The following SOX6 variants were observed in gnomAD, a reference collection of about 807,000 sequenced individuals.
SOX6 encodes SRY-box transcription factor 6.
In SOX6, 11 loss-of-function variants were observed where a neutral mutation model predicts 97.8. The ratio of observed to expected loss-of-function variants is 0.11; its 90% CI spans 0.07 to 0.19. The LOEUF (loss-of-function observed/expected upper bound fraction) is 0.19. Among genes scored for constraint, SOX6 ranks in the 10% least tolerant of loss-of-function variants. The pLI is 1.00. For synonymous variants in SOX6, 360 were observed against 371.4 expected (o/e 0.97, Z 0.35); for missense variants, 810 against 1,039.5 (o/e 0.78, Z 3.04).
intron 4 of SOX6, among the ~76,000 whole-genome samples, chr11:16,193,445 A>G (rs1041405077): frequency 6.6e-6 from 1 of 152,184 alleles, no homozygotes; most frequent in African/African-American, 2.4e-5. Flanking sequence ...TAGTCAACTA[A>G]TGGCATTCTC....
chr11:16,160,277 C>T (rs1050775508), intron 6 of SOX6, among the ~76,000 whole-genome samples: 1 of 152,152 alleles, frequency 6.6e-6, no homozygotes, highest in African/African-American at 2.4e-5. Context: ...TAATTTCAAA[C>T]CTGAAAGGCC....
chr11:16,018,855 T>C (rs1020474235), intron 12 of SOX6, among the ~76,000 whole-genome samples: 2 of 152,040 alleles, frequency 1.3e-5, no homozygotes, highest in South Asian at 4.1e-4. Flanking sequence ...ACAGAGGCAG[T>C]AAAGACCATA....
chr11:16,582,918 A>C (rs1253439889), intron 4 of SOX6, among the ~76,000 whole-genome samples: 2 of 152,068 alleles, frequency 1.3e-5, no homozygotes, highest in Non-Finnish European at 2.9e-5. Flanking sequence ...GCATAGACAA[A>C]AATGGGAGCT....
At chr11:16,677,113 A>C (rs1321451338) in intron 3 of SOX6, among the ~76,000 whole-genome samples, 1 of 152,206 alleles carries the variant, frequency 6.6e-6, no homozygotes, top group Non-Finnish European at 1.5e-5. Context: ...CCTCCAGGGT[A>C]GCCATCTCAT....
intron 2 of SOX6, among the ~76,000 whole-genome samples, chr11:16,731,468 C>A (rs556823745): frequency 2.0e-5 from 3 of 152,146 alleles, no homozygotes; most frequent in African/African-American, 7.2e-5. Flanking sequence ...TGTAATCCAT[C>A]GCATACACAG....
chr11:15,977,016 C>A (rs1239784021), intron 15 of SOX6, among the ~76,000 whole-genome samples: 2 of 152,036 alleles, frequency 1.3e-5, no homozygotes, highest in African/African-American at 4.8e-5. Flanking sequence ...CTCATTGCCT[C>A]GTCCAACCTA....
chr11:16,265,668 A>C (rs1339853812), intron 3 of SOX6, among the ~76,000 whole-genome samples: 3 of 151,934 alleles, frequency 2.0e-5, no homozygotes, highest in Non-Finnish European at 4.4e-5. Flanking sequence ...ACATTAAAAG[A>C]GTTATTAAAA....
chr11:16,137,383 A>T (rs542302854), intron 6 of SOX6, among the ~76,000 whole-genome samples: 2 of 152,274 alleles, frequency 1.3e-5, no homozygotes, highest in East Asian at 3.9e-4. Context: ...CTGAGATCAC[A>T]CCACTGCACT....
At chr11:16,003,523 C>A (rs1382003149) in intron 13 of SOX6, among the ~76,000 whole-genome samples, 1 of 151,966 alleles carries the variant, frequency 6.6e-6, no homozygotes, top group East Asian at 1.9e-4. Context: ...CTATGTACCC[C>A]AAAACAGTGG....
chr11:16,629,932 T>C (rs926970284), intron 3 of SOX6, among the ~76,000 whole-genome samples: 4 of 152,194 alleles, frequency 2.6e-5, no homozygotes, highest in African/African-American at 7.2e-5. Context: ...TTATGTGGGA[T>C]CAGTTGTAAT....
chr11:16,301,984 A>C (rs1454740394), intron 3 of SOX6, among the ~76,000 whole-genome samples: 1 of 152,074 alleles, frequency 6.6e-6, no homozygotes, highest in Non-Finnish European at 1.5e-5. Context: ...CCCCACCATT[A>C]AATCTCTCAG....
intron 3 of SOX6, among the ~76,000 whole-genome samples, chr11:16,308,516 T>G (rs1001982805): frequency 5.3e-5 from 8 of 152,194 alleles, no homozygotes; most frequent in African/African-American, 1.9e-4. Flanking sequence ...TCTGTAAGGA[T>G]TCTCAAGTTA....
At chr11:15,999,830 G>T (rs541181692) in intron 13 of SOX6, among the ~76,000 whole-genome samples, 1 of 152,218 alleles carries the variant, frequency 6.6e-6, no homozygotes, top group East Asian at 1.9e-4. Context: ...TAGAATAGTT[G>T]ATTTTCTCCT....
intron 6 of SOX6, among the ~76,000 whole-genome samples, chr11:16,117,341 G>A (rs1487161065): frequency 1.3e-5 from 2 of 150,076 alleles, no homozygotes; most frequent in African/African-American, 4.9e-5. Context: ...GACAGAGCGA[G>A]ACTCCATCTC....
chr11:16,086,308 C>T (rs1026107061), intron 9 of SOX6, among the ~76,000 whole-genome samples: 1 of 152,164 alleles, frequency 6.6e-6, no homozygotes, highest in African/African-American at 2.4e-5. Flanking sequence ...TCCTTCTTGA[C>T]TCTCCTATTG....
intron 4 of SOX6, among the ~76,000 whole-genome samples, chr11:16,210,457 G>A (rs1590031614): frequency 6.6e-6 from 1 of 152,164 alleles, no homozygotes; most frequent in Non-Finnish European, 1.5e-5. Flanking sequence ...ATAGAAAGTA[G>A]ATTAGTGGTT....
intron 1 of SOX6, among the ~76,000 whole-genome samples, chr11:16,409,825 G>A (rs571914806): frequency 9.8e-5 from 3 of 30,622 alleles, no homozygotes; most frequent in South Asian, 5.1e-3. Flanking sequence ...GTCTTTCCTC[G>A]GTTTAAAAAA....
chr11:16,318,099 T>C, intron 3 of SOX6: 2 of 390,768 alleles, frequency 5.1e-6, no homozygotes, highest in South Asian at 4.2e-5. Context: ...AAAGAAATAC[T>C]ATCCACCAAA....
chr11:16,452,678 G>A lies in SOX6; in HGVS notation c.-5+23637C>T, dbSNP rs546594701. ...TGTATGAGTTGAACTGTAAAAATGAGATTTCCTGGGACTTTGCTTTCCCTT... is the reference window on the plus strand; with the variant it reads ...TGTATGAGTTGAACTGTAAAAATGAAATTTCCTGGGACTTTGCTTTCCCTT... On this transcript the variant is annotated intron_variant, in intron 1 of 15. Coordinates refer to the SOX6 transcript ENST00000396356. Among the ~76,000 whole-genome samples, 182 of 152,170 alleles carry A rather than the reference G, an allele frequency of 1.2e-3. 2 individuals carry two copies. The highest frequency in any genetic ancestry group is 2.0e-3 in the Admixed American group (31 of 15,288).
Sources: gnomAD v4.1 joint callset for allele counts (sites outside exome capture counted in the v4.1 genomes callset) on GRCh38, gnomAD v4.1.1 for gene constraint, MANE v1.5 for transcripts, NCBI Gene and HGNC (gene_info 2026-07-23, HGNC 2026-07-21) for gene names.